The following ARB2A variants were observed in gnomAD, a reference collection of about 807,000 sequenced individuals.
ARB2A encodes ARB2 cotranscriptional regulator A, also known as cotranscriptional regulator ARB2A.
At chr5:93,662,150 T>C in the ARB2A span, among the ~76,000 whole-genome samples, 2 of 152,210 alleles carry the variant, frequency 1.3e-5, no homozygotes, top group Non-Finnish European at 2.9e-5. Context: ...TGAAGTCTAA[T>C]TGGCTTATGT....
At chr5:93,798,455 A>C in the ARB2A span, among the ~76,000 whole-genome samples, 1 of 152,056 alleles carries the variant, frequency 6.6e-6, no homozygotes, top group African/African-American at 2.4e-5. Context: ...CTGCCTTAAG[A>C]TTTACATTCT....
At chr5:93,984,562 A>T in the ARB2A span, among the ~76,000 whole-genome samples, 3 of 152,172 alleles carry the variant, frequency 2.0e-5, no homozygotes, top group Non-Finnish European at 4.4e-5. Flanking sequence ...AATTATCTTA[A>T]CTTCCCCATT....
chr5:93,998,731 G>A, the ARB2A span, among the ~76,000 whole-genome samples: 2 of 151,908 alleles, frequency 1.3e-5, no homozygotes, highest in Non-Finnish European at 2.9e-5. Context: ...CAGTAACAGT[G>A]AGGATGACTA....
the ARB2A span, among the ~76,000 whole-genome samples, chr5:94,079,240 T>C: frequency 2.6e-5 from 4 of 152,232 alleles, no homozygotes; most frequent in African/African-American, 4.8e-5. Context: ...CTTATTAAAA[T>C]GCATGCTTGA....
chr5:94,026,165 G>A, the ARB2A span, among the ~76,000 whole-genome samples: 14 of 152,164 alleles, frequency 9.2e-5, no homozygotes, highest in African/African-American at 1.9e-4. Flanking sequence ...CAGTCCTACC[G>A]TCTGCAGCCT....
At chr5:93,739,798 T>C in the ARB2A span, 6 of 151,834 alleles carry the variant, frequency 4.0e-5, no homozygotes, top group African/African-American at 9.7e-5. Flanking sequence ...GGGAACCAAA[T>C]AGAGGTGAAA....
chr5:93,767,154 C>A, the ARB2A span, among the ~76,000 whole-genome samples: 35 of 152,148 alleles, frequency 2.3e-4, no homozygotes, highest in Non-Finnish European at 4.3e-4. Context: ...CTAACCTGCA[C>A]GTTGTGCACA....
the ARB2A span, among the ~76,000 whole-genome samples, chr5:94,039,062 CAT>C: frequency 6.6e-6 from 1 of 152,144 alleles, no homozygotes; most frequent in Non-Finnish European, 1.5e-5. Flanking sequence ...ATGAAACTAA[CAT>C]AAAGTACTAA....
At chr5:93,904,074 T>C in the ARB2A span, among the ~76,000 whole-genome samples, 1 of 151,822 alleles carries the variant, frequency 6.6e-6, no homozygotes, top group Non-Finnish European at 1.5e-5. Context: ...CAGAGAAGTA[T>C]TTGAAAGGAA....
chr5:94,090,975 C>T, the ARB2A span, among the ~76,000 whole-genome samples: 724 of 152,118 alleles, frequency 4.8e-3, 24 homozygotes, highest in Non-Finnish European at 1.2e-3. Context: ...AATAGGAATG[C>T]TTTAACAGTC....
chr5:93,793,396 C>T, the ARB2A span, among the ~76,000 whole-genome samples: 3 of 151,922 alleles, frequency 2.0e-5, no homozygotes, highest in African/African-American at 7.2e-5. Context: ...CATCTTTTAA[C>T]TCCAGATCCC....
At chr5:93,838,349 T>C in the ARB2A span, among the ~76,000 whole-genome samples, 1 of 152,174 alleles carries the variant, frequency 6.6e-6, no homozygotes, top group African/African-American at 2.4e-5. Context: ...TTCTATTCCA[T>C]TGGTATATGT....
At chr5:93,946,992 A>T in the ARB2A span, among the ~76,000 whole-genome samples, 2 of 152,132 alleles carry the variant, frequency 1.3e-5, no homozygotes, top group African/African-American at 4.8e-5. Flanking sequence ...TGACTTTTTA[A>T]TGTCATATTT....
At chr5:93,811,420 C>G in the ARB2A span, among the ~76,000 whole-genome samples, 6 of 151,946 alleles carry the variant, frequency 3.9e-5, no homozygotes, top group African/African-American at 1.2e-4. Context: ...AAATTGAAAG[C>G]CTTAGTTGGA....
At chr5:93,810,136 G>A in the ARB2A span, among the ~76,000 whole-genome samples, 6 of 150,900 alleles carry the variant, frequency 4.0e-5, no homozygotes, top group Non-Finnish European at 8.8e-5. Flanking sequence ...TAAATGAAGA[G>A]TTCCTTCACC....
the ARB2A span, among the ~76,000 whole-genome samples, chr5:93,757,192 G>A: frequency 6.6e-6 from 1 of 151,986 alleles, no homozygotes; most frequent in South Asian, 2.1e-4. Flanking sequence ...AAAAGAATAA[G>A]AAAATATGAA....
the ARB2A span, among the ~76,000 whole-genome samples, chr5:94,083,234 A>C: frequency 6.6e-6 from 1 of 152,196 alleles, no homozygotes; most frequent in Non-Finnish European, 1.5e-5. Flanking sequence ...TATTTTCTAC[A>C]TAAGCACAAA....
the ARB2A span, chr5:93,784,324 G>T: frequency 3.3e-6 from 4 of 1,206,978 alleles, no homozygotes; most frequent in Admixed American, 7.5e-5. Flanking sequence ...GTTGGTGGGG[G>T]CTCAAGATAT....
At chr5:93,907,209 C>A in the ARB2A span, among the ~76,000 whole-genome samples, 5 of 151,232 alleles carry the variant, frequency 3.3e-5, no homozygotes, top group African/African-American at 1.2e-4. Flanking sequence ...TGAAAATAAT[C>A]CTAATAAGAG....
Sources: gnomAD v4.1 joint callset for allele counts (sites outside exome capture counted in the v4.1 genomes callset) on GRCh38, gnomAD v4.1.1 for gene constraint, MANE v1.5 for transcripts, NCBI Gene and HGNC (gene_info 2026-07-23, HGNC 2026-07-21) for gene names.